Variants in EHMT1 observed in about 807,000 individuals in gnomAD.
EHMT1 encodes the protein histone-lysine N-methyltransferase EHMT1.
A neutral mutation model predicts 147.2 loss-of-function variants in EHMT1; 15 were observed. The observed-to-expected ratio is 0.10, with a 90% CI of 0.07 to 0.16. EHMT1 has a LOEUF of 0.16. EHMT1 is among the 10% of genes least tolerant of loss of function. The pLI is 1.00. For missense variants in EHMT1, 1,587 were observed against 1,772.4 expected, an observed-to-expected ratio of 0.90 and a Z score of 1.88; for synonymous variants, 795 against 709.6, an observed-to-expected ratio of 1.12 and a Z score of -1.91.
At chr9:137,680,137 A>G (rs558641397) in intron 1 of EHMT1, among the ~76,000 whole-genome samples, 1 of 152,034 alleles carries the variant, frequency 6.6e-6, no homozygotes, top group South Asian at 2.1e-4. Flanking sequence ...CTGTTTTTAG[A>G]TGAAAGTCTT....
chr9:137,643,633 C>A (rs1307015720), intron 1 of EHMT1, among the ~76,000 whole-genome samples: 1 of 152,106 alleles, frequency 6.6e-6, no homozygotes, highest in East Asian at 1.9e-4. Context: ...CAGGCGTGAG[C>A]CACCGCGCCC....
At chr9:137,696,268 C>T (rs77988265) in intron 1 of EHMT1, among the ~76,000 whole-genome samples, 1 of 152,008 alleles carries the variant, frequency 6.6e-6, no homozygotes, top group East Asian at 1.9e-4. Context: ...AATTAGGGGG[C>T]GGGTAGAGAG....
chr9:137,759,200 CGAT>C (rs1391353511), intron 9 of EHMT1, among the ~76,000 whole-genome samples: 8 of 152,222 alleles, frequency 5.3e-5, no homozygotes, highest in South Asian at 2.1e-4. Flanking sequence ...GTCATGGAAA[CGAT>C]GATATTTTTT....
intron 1 of EHMT1, among the ~76,000 whole-genome samples, chr9:137,670,150 G>A (rs1480567708): frequency 6.6e-6 from 1 of 152,150 alleles, no homozygotes; most frequent in African/African-American, 2.4e-5. Flanking sequence ...GTGAGCCACC[G>A]CGCCTGGGCT....
chr9:137,833,622 C>T (rs983246129), intron 25 of EHMT1, among the ~76,000 whole-genome samples: 2 of 152,252 alleles, frequency 1.3e-5, no homozygotes, highest in African/African-American at 4.8e-5. Context: ...TCGTCCCCCT[C>T]TCTATGGTCA....
At position 137,654,299 on chromosome 9, in the gene EHMT1, G is replaced by C. The variant is rs151160946; in HGVS notation, c.21+35250G>C. 6.6e-4 allele frequency among the ~76,000 whole-genome samples: 101 copies of C among 152,162 alleles called. 1 individual carries two copies. The highest frequency in any genetic ancestry group is 1.2e-3 in the Non-Finnish European group (80 of 67,990). ...GTATCGCTTGGACGTGGGAGATGGA[G>C]GTTGCCGTGAGCTGAGTTTACACCA... On this transcript the variant is annotated intron_variant, in intron 1 of 26. Transcript: ENST00000460843.
chr9:137,641,693 C>T (rs1164879740), intron 1 of EHMT1: 1 of 196,038 alleles, frequency 5.1e-6, no homozygotes, highest in Non-Finnish European at 1.0e-5. Flanking sequence ...TTCCTCTGGC[C>T]TCTGTCAGGG....
intron 25 of EHMT1, 157 bp from the exon 26 acceptor site, chr9:137,834,192 C>G: frequency 1.0e-6 from 1 of 974,586 alleles, no homozygotes; most frequent in Non-Finnish European, 1.5e-6. Context: ...GGCGGAGGCT[C>G]CGCACCGCCG....
chr9:137,662,224 G>T (rs1314454375), intron 1 of EHMT1, among the ~76,000 whole-genome samples: 1 of 151,982 alleles, frequency 6.6e-6, no homozygotes, highest in Admixed American at 6.6e-5. Context: ...TCCAGACAGG[G>T]TTTCACTCTG....
intron 6 of EHMT1, among the ~76,000 whole-genome samples, chr9:137,750,970 G>A (rs774387809): frequency 2.0e-5 from 3 of 152,224 alleles, no homozygotes; most frequent in Admixed American, 6.5e-5. Flanking sequence ...GTCAGGGCAC[G>A]TAACAAATGT....
Position 137,743,902 on chromosome 9 carries a change from G to T in EHMT1, c.982G>T (p.Gly328Trp). Residue 328 changes from glycine (G) to tryptophan (W), a missense_variant and splice_region_variant, in exon 6 of 27, where the codon GGG becomes TGG. Gly to Trp is a radical substitution (Grantham distance 184, BLOSUM62 -2). Coordinates refer to ENST00000460843, the MANE Select transcript of EHMT1 (RefSeq NM_024757.5). ...GGGTATACACCTGCCCGTGTTCTAG[G>T]GGGAGAAGGACCTGGGCGCCAGCAG... is the stretch of plus-strand genomic sequence containing the variant. Reference protein sequence around the residue: ...SITHSTVGSKGEKDLGASSLH... With the variant: ...SITHSTVGSKWEKDLGASSLH... 6.2e-7 allele frequency: 1 copy of T among 1,611,014 alleles called. No homozygotes were observed.
rs188100172 is a variant in EHMT1 at position 137,775,787 on chromosome 9, A to G, written c.1791+535A>G. On this transcript the variant is annotated intron_variant, in intron 11 of 26. Transcript: ENST00000460843. This position sits in a 1 kb window ranked among gnomAD's most constrained non-coding sequence, Gnocchi z 6.1. ...GGATCTTGGGTCATCAGTTACTTCA[A>G]TGTCAAACATCTGTGCTCAGCCGTG... is the stretch of plus-strand genomic sequence containing the variant. Among the ~76,000 whole-genome samples the G allele has an allele frequency of 2.8e-4, 43 of 151,744 alleles. No homozygotes were observed. The highest frequency in any genetic ancestry group is 1.0e-3 in the Admixed American group (16 of 15,254).
At chr9:137,830,237 G>A (rs1200236586) in intron 25 of EHMT1, among the ~76,000 whole-genome samples, 1 of 152,166 alleles carries the variant, frequency 6.6e-6, no homozygotes, top group Admixed American at 6.5e-5. Context: ...ACTGCTCTTC[G>A]GTACCATGTG....
Position 137,813,312 on chromosome 9 carries a change from C to A in EHMT1, c.3036-74C>A. 1.9e-6 allele frequency: 3 copies of A among 1,565,668 alleles called. No individual in the cohort carries two copies. The highest frequency in any genetic ancestry group is 2.4e-5 in the East Asian group (1 of 42,416). The stretch of plus-strand genomic sequence containing the variant: ...GTCAGGGCCAGGTGTTTGCCAGCCG[C>A]CCCACTGCACGCTGTGCCACCCCCT... On this transcript the variant is annotated intron_variant, in intron 20 of 26. Transcript: ENST00000460843. The surrounding 1 kb of genome is among the most constrained non-coding windows in gnomAD (Gnocchi z 4.9).
chr9:137,813,745 C>CT lies in EHMT1; in HGVS notation c.3180+217dup, dbSNP rs1477501957. ...CCCAGCCCTGGGCCCTCTCATTGCT[C>CT]TTCCAAGGCTTCTTACCGACCCAAA... is the stretch of plus-strand genomic sequence containing the variant. On this transcript the variant is annotated intron_variant, in intron 21 of 26. Coordinates refer to ENST00000460843, the MANE Select transcript of EHMT1 (RefSeq NM_024757.5). The surrounding 1 kb of genome is among the most constrained non-coding windows in gnomAD (Gnocchi z 4.9). 6.6e-6 allele frequency among the ~76,000 whole-genome samples: 1 copy of CT among 152,152 alleles called. No individual in the cohort carries two copies.
intron 10 of EHMT1, chr9:137,763,498 G>A (rs11137208): frequency 0.28 from 43,937 of 156,012 alleles, 6,737 homozygotes; most frequent in Admixed American, 0.41. Context: ...TGGCTGCCCC[G>A]GGCTTGCATT....
intron 9 of EHMT1, among the ~76,000 whole-genome samples, chr9:137,761,976 C>T (rs113106371): frequency 9.1e-4 from 138 of 152,348 alleles, no homozygotes; most frequent in Middle Eastern, 6.8e-3. Context: ...TGGCCTTGCC[C>T]GTCTCTCCCA....
intron 16 of EHMT1, among the ~76,000 whole-genome samples, chr9:137,798,329 G>A (rs12554522): frequency 0.33 from 50,421 of 151,838 alleles, 8,655 homozygotes; most frequent in Admixed American, 0.43. Context: ...TTGAGCATGG[G>A]AATCAGAGGC....
intron 4 of EHMT1, among the ~76,000 whole-genome samples, chr9:137,742,760 C>T (rs1237579513): frequency 1.3e-5 from 2 of 152,192 alleles, no homozygotes; most frequent in East Asian, 3.9e-4. Flanking sequence ...TGTCTTTCCC[C>T]TTAGTCACTG....
Sources: gnomAD v4.1 joint callset for allele counts (sites outside exome capture counted in the v4.1 genomes callset) on GRCh38, gnomAD v4.1.1 for gene constraint, Gnocchi (gnomAD v3.1) non-coding constraint, MANE v1.5 for transcripts, NCBI Gene and HGNC (gene_info 2026-07-23, HGNC 2026-07-21) for gene names.